Variants in GRIK3 observed in about 807,000 individuals in gnomAD.
The protein encoded by GRIK3 is glutamate receptor ionotropic, kainate 3.
In GRIK3, 29 loss-of-function variants were observed where a neutral mutation model predicts 102.5. That is an observed-to-expected ratio of 0.28 (90% CI 0.21 to 0.39). GRIK3 has a LOEUF of 0.39. Ranked by LOEUF, GRIK3 falls within the 10% of genes least tolerant of loss-of-function variation. The pLI, the probability that GRIK3 is intolerant of heterozygous loss-of-function variation, is 1.00. For synonymous variants in GRIK3, 511 were observed against 504.9 expected (o/e 1.01, Z -0.16); for missense variants, 908 against 1,252.4 (o/e 0.73, Z 4.15).
chr1:36,871,540 C>T (rs114893739), intron 4 of GRIK3, among the ~76,000 whole-genome samples: 1,861 of 152,324 alleles, frequency 0.012, 16 homozygotes, highest in Non-Finnish European at 0.02. Context: ...ACCCTTGGAG[C>T]GGGTGGTAGG....
chr1:36,930,188 CA>C (rs1641572593), intron 1 of GRIK3, among the ~76,000 whole-genome samples: 1 of 152,162 alleles, frequency 6.6e-6, no homozygotes, highest in Non-Finnish European at 1.5e-5. Flanking sequence ...ACACGAATAC[CA>C]GGGGGAAGGA....
intron 1 of GRIK3, among the ~76,000 whole-genome samples, chr1:36,924,754 C>T (rs1046456002): frequency 3.3e-5 from 5 of 152,180 alleles, no homozygotes; most frequent in African/African-American, 4.8e-5. Context: ...CAACTGTGCT[C>T]CCCAGGGCCC....
At chr1:37,004,932 C>T (rs760285338) in intron 1 of GRIK3, among the ~76,000 whole-genome samples, 2 of 152,246 alleles carry the variant, frequency 1.3e-5, no homozygotes, top group African/African-American at 2.4e-5. Context: ...GCACCATCAA[C>T]GGCCCCAGTT....
intron 5 of GRIK3, among the ~76,000 whole-genome samples, chr1:36,864,344 G>C (rs1640759949): frequency 6.6e-6 from 1 of 152,200 alleles, no homozygotes; most frequent in Non-Finnish European, 1.5e-5. Flanking sequence ...GGGCTGACCT[G>C]CTGCGACCAT....
At position 36,927,189 on chromosome 1, in the gene GRIK3, A is replaced by C. The variant is rs186281965; in HGVS notation, c.116-36093T>G. Among the ~76,000 whole-genome samples, 3 of 152,348 alleles carry C rather than the reference A, an allele frequency of 2.0e-5. No homozygotes were observed. The East Asian group carries it at 5.8e-4, about 29-fold the overall frequency. On this transcript the variant is annotated intron_variant, in intron 1 of 15. Transcript: ENST00000373091. ...GAGACCCTCGTTCAAGAGCTCTAAC[A>C]GTCATGCAGCCCAGGGTGTGCAGAC...
At chr1:36,803,238 G>A (rs969898927) in intron 15 of GRIK3, among the ~76,000 whole-genome samples, 2 of 151,996 alleles carry the variant, frequency 1.3e-5, no homozygotes, top group Admixed American at 6.6e-5. Flanking sequence ...ACACCCTCTG[G>A]GGGAGGAGCA....
chr1:37,032,305 G>A (rs537783415), intron 1 of GRIK3, among the ~76,000 whole-genome samples: 2 of 152,130 alleles, frequency 1.3e-5, no homozygotes, highest in East Asian at 1.9e-4. Flanking sequence ...GCTGGGCTGG[G>A]AGCACACCCA....
At chr1:37,030,927 C>A (rs775629651) in intron 1 of GRIK3, among the ~76,000 whole-genome samples, 10 of 152,140 alleles carry the variant, frequency 6.6e-5, no homozygotes, top group Non-Finnish European at 1.2e-4. Context: ...AATGGCCCAA[C>A]AAACTGGTGG....
intron 1 of GRIK3, among the ~76,000 whole-genome samples, chr1:37,007,627 C>G (rs865848009): frequency 6.6e-6 from 1 of 152,202 alleles, no homozygotes; most frequent in East Asian, 1.9e-4. Context: ...CAAACGCTCC[C>G]GCACTATGTG....
intron 2 of GRIK3, among the ~76,000 whole-genome samples, chr1:36,884,056 C>T (rs1416299581): frequency 6.6e-6 from 1 of 152,204 alleles, no homozygotes; most frequent in Non-Finnish European, 1.5e-5. Context: ...AGAACAGCAG[C>T]AGTGCCAGTA....
At position 36,840,551 on chromosome 1, in the gene GRIK3, CA is replaced by C. The variant is rs11442581; in HGVS notation, c.1530+1184del. Reference sequence around the variant, plus strand: ...AACAAAGTGAGACCCTGCTCTCCACCAAAAAAAAAAAAAAAAAAAAAAAAAA... The same window carrying C: ...AACAAAGTGAGACCCTGCTCTCCACCAAAAAAAAAAAAAAAAAAAAAAAAA... On this transcript the variant is annotated intron_variant, in intron 10 of 15. Transcript: ENST00000373091. Among the ~76,000 whole-genome samples the C allele has an allele frequency of 2.0e-3, 148 of 73,304 alleles. 2 individuals are homozygous for C. Among genetic ancestry groups the C allele is most frequent in the African/African-American group, 7.2e-3 (135 of 18,690 alleles). The allele number at this position is 73,304 out of a possible 152,430, so 48.1% of individuals were successfully genotyped here. A position where few individuals can be genotyped will look rare whatever the true frequency, so the allele number is the denominator to read the frequency against.
Position 36,798,314 on chromosome 1 carries a change from G to A in GRIK3, c.*3537C>T, listed in dbSNP as rs1036142217. 1 of 152,316 alleles carries A rather than the reference G, an allele frequency of 6.6e-6. No homozygotes were observed. Among genetic ancestry groups the A allele is most frequent in the African/African-American group, 2.4e-5 (1 of 41,454 alleles). 9.4% of individuals were successfully genotyped at this position (152,316 alleles called of 1,614,324 possible). ...GGAGGCACTTGCATTTGGGGATGCA[G>A]TGGGGACATTCTTCTGTTCAGGGCT... is the stretch of plus-strand genomic sequence containing the variant. On this transcript the variant is annotated 3_prime_UTR_variant, in exon 16 of 16. Coordinates refer to ENST00000373091, the MANE Select transcript of GRIK3 (RefSeq NM_000831.4).
chr1:36,881,880 A>T (rs1213174713), intron 2 of GRIK3, among the ~76,000 whole-genome samples: 1 of 152,124 alleles, frequency 6.6e-6, no homozygotes, highest in Admixed American at 6.5e-5. Flanking sequence ...CCCTCAAAGC[A>T]TTCAAGCTCC....
intron 2 of GRIK3, among the ~76,000 whole-genome samples, chr1:36,889,071 C>G (rs374281996): frequency 1.3e-5 from 2 of 152,078 alleles, no homozygotes; most frequent in African/African-American, 4.8e-5. Flanking sequence ...TAAAAAGACA[C>G]GGGGGCTTGC....
intron 1 of GRIK3, among the ~76,000 whole-genome samples, chr1:37,022,123 A>T (rs1377356235): frequency 6.6e-6 from 1 of 152,246 alleles, no homozygotes; most frequent in Non-Finnish European, 1.5e-5. Flanking sequence ...TCTCCAGGTT[A>T]ACTGTCAACA....
intron 1 of GRIK3, among the ~76,000 whole-genome samples, chr1:36,954,844 A>G (rs544528910): frequency 3.3e-5 from 5 of 152,376 alleles, no homozygotes; most frequent in African/African-American, 1.2e-4. Context: ...TCACACAAGT[A>G]TAAGTGCATA....
At chr1:36,935,352 G>A (rs1186584504) in intron 1 of GRIK3, among the ~76,000 whole-genome samples, 1 of 152,142 alleles carries the variant, frequency 6.6e-6, no homozygotes, top group Non-Finnish European at 1.5e-5. Flanking sequence ...CAGGTAGAAG[G>A]TCACCATAGA....
intron 7 of GRIK3, among the ~76,000 whole-genome samples, chr1:36,856,519 G>A (rs1186532412): frequency 2.6e-5 from 4 of 152,198 alleles, no homozygotes; most frequent in Non-Finnish European, 4.4e-5. Context: ...CATGCAATCA[G>A]ATGGGGAGAC....
intron 2 of GRIK3, among the ~76,000 whole-genome samples, chr1:36,883,805 G>A (rs982596153): frequency 1.3e-5 from 2 of 152,210 alleles, no homozygotes; most frequent in Admixed American, 6.5e-5. Context: ...GAGGTACAGG[G>A]TAGTTTTGAA....
Sources: gnomAD v4.1 joint callset for allele counts (sites outside exome capture counted in the v4.1 genomes callset) on GRCh38, gnomAD v4.1.1 for gene constraint, MANE v1.5 for transcripts, NCBI Gene and HGNC (gene_info 2026-07-23, HGNC 2026-07-21) for gene names.